The following EPHA3 variants were observed in gnomAD, a reference collection of about 807,000 sequenced individuals.
EPHA3 encodes EPH receptor A3.
Under a neutral mutation model 107.1 loss-of-function variants are expected in EPHA3, and 42 were observed. The observed-to-expected ratio is 0.39, with a 90% confidence interval of 0.31 to 0.51. The LOEUF is 0.51. EPHA3 is among the 20% of genes least tolerant of loss of function. The pLI, the probability that EPHA3 is intolerant of heterozygous loss-of-function variation, is 0.78. For synonymous variants in EPHA3, 461 were observed against 424.8 expected (o/e 1.09, Z -1.05); for missense variants, 1,183 against 1,211.2 (o/e 0.98, Z 0.35).
At chr3:89,413,381 A>G (rs929198135) in intron 10 of EPHA3, 115 bp downstream of exon 10, 2 of 1,336,626 alleles carry the variant, frequency 1.5e-6, no homozygotes, top group Admixed American at 1.8e-5. Context: ...TCATGATCAA[A>G]GGCAAGTAAT....
chr3:89,322,130 G>A (rs578206397), intron 3 of EPHA3, among the ~76,000 whole-genome samples: 1 of 151,480 alleles, frequency 6.6e-6, no homozygotes, highest in Non-Finnish European at 1.5e-5. Context: ...ACAGAGGGGG[G>A]TTGGAGAGAG....
At chr3:89,259,313 C>T (rs950789041) in intron 3 of EPHA3, among the ~76,000 whole-genome samples, 5 of 152,090 alleles carry the variant, frequency 3.3e-5, no homozygotes, top group African/African-American at 7.2e-5. Context: ...CCTCCTATCA[C>T]ATCACAGTCT....
chr3:89,281,118 G>A (rs969118889), intron 3 of EPHA3, among the ~76,000 whole-genome samples: 7 of 152,006 alleles, frequency 4.6e-5, no homozygotes, highest in Admixed American at 1.3e-4. Flanking sequence ...CTGCCTCCCA[G>A]GTTCAAGTAA....
rs759973751 is a variant in EPHA3, at chr3:89,399,450, C to T, written c.1564C>T (p.Arg522Cys). The T allele has an allele frequency of 2.5e-6, 4 of 1,614,028 alleles. No individual in the cohort carries two copies. Among genetic ancestry groups the T allele is most frequent in the South Asian group, 1.1e-5 (1 of 91,068 alleles). ...RTAAGYGTNSRKFEFETSPDS... is the reference protein window; with the variant it reads ...RTAAGYGTNSCKFEFETSPDS... ...AGCCGCTGGATATGGGACGAACAGC[C>T]GCAAGTTTGAGTTTGAAACTAGTCC... Residue 522 changes from arginine (R) to cysteine (C), a missense_variant, in exon 7 of 17, where the codon CGC (arginine) becomes TGC (cysteine). Arg to Cys is a radical substitution (Grantham distance 180). Coordinates refer to ENST00000336596, the MANE Select transcript of EPHA3 (RefSeq NM_005233.6).
intron 2 of EPHA3, among the ~76,000 whole-genome samples, chr3:89,171,840 T>A (rs1318337625): frequency 5.3e-5 from 8 of 152,148 alleles, no homozygotes; most frequent in Admixed American, 1.3e-4. Context: ...ACAACTGCCA[T>A]GTTTAAATGC....
At chr3:89,417,653 C>A (rs1445717189) in intron 10 of EPHA3, among the ~76,000 whole-genome samples, 1 of 151,266 alleles carries the variant, frequency 6.6e-6, no homozygotes, top group Non-Finnish European at 1.5e-5. Flanking sequence ...GATCAATGAA[C>A]TTTCTCAAGT....
intron 3 of EPHA3, among the ~76,000 whole-genome samples, chr3:89,217,263 A>C (rs191696681): frequency 6.6e-6 from 1 of 152,314 alleles, no homozygotes; most frequent in African/African-American, 2.4e-5. Flanking sequence ...GGAAATAATC[A>C]CATAACTAGA....
At chr3:89,440,766 T>C (rs1469650623) in intron 13 of EPHA3, among the ~76,000 whole-genome samples, 1 of 152,200 alleles carries the variant, frequency 6.6e-6, no homozygotes, top group African/African-American at 2.4e-5. Context: ...AGTGCCTTTT[T>C]CCAGAGAATC....
At chr3:89,400,834 A>C (rs1331489244) in intron 7 of EPHA3, among the ~76,000 whole-genome samples, 3 of 152,222 alleles carry the variant, frequency 2.0e-5, no homozygotes, top group South Asian at 2.1e-4. Flanking sequence ...ATATATCACT[A>C]TCAGTTTTCT....
chr3:89,197,563 G>A (rs6551402), intron 2 of EPHA3, among the ~76,000 whole-genome samples: 116,998 of 151,828 alleles, frequency 0.77, 45,417 homozygotes, highest in Middle Eastern at 0.88. Context: ...GTGAAGTCAA[G>A]TGTCTAATAA....
At chr3:89,208,195 C>A (rs1282040327) in intron 2 of EPHA3, among the ~76,000 whole-genome samples, 3 of 151,526 alleles carry the variant, frequency 2.0e-5, no homozygotes, top group Non-Finnish European at 2.9e-5. Flanking sequence ...CATGGAGAAA[C>A]CCCATCTCTA....
At chr3:89,140,677 G>A (rs757089792) in intron 2 of EPHA3, among the ~76,000 whole-genome samples, 42 of 151,794 alleles carry the variant, frequency 2.8e-4, no homozygotes, top group Middle Eastern at 6.8e-3. Context: ...AAGTTTAGGA[G>A]AGGAAAACAT....
intron 3 of EPHA3, among the ~76,000 whole-genome samples, chr3:89,289,256 C>T (rs1706158643): frequency 6.6e-6 from 1 of 152,180 alleles, no homozygotes; most frequent in East Asian, 1.9e-4. Flanking sequence ...TCTCAGCTAG[C>T]AGAGAGAAGC....
In EPHA3 at chr3:89,450,385, T is replaced by C. The variant is rs367957375; in HGVS notation, c.2690+15T>C. On this transcript the variant is annotated intron_variant, in intron 15 of 16. Transcript: ENST00000336596. ...GCAGCCGCAAGGTGACACATTCAAT[T>C]TGTTATCTGGCATTCACTCTGAAAT... The C allele has an allele frequency of 3.1e-6, 5 of 1,600,952 alleles. No individual in the cohort carries two copies. The highest frequency in any genetic ancestry group is 3.4e-6 in the Non-Finnish European group (4 of 1,172,096).
rs1707527825 is a variant in EPHA3, at chr3:89,341,749, T to C, written c.971-6T>C. The C allele has an allele frequency of 1.9e-6, 3 of 1,600,370 alleles. No individual in the cohort carries two copies. In the East Asian group the frequency reaches 6.7e-5, roughly 36 times the overall value. ...GCTCATTAATCTTTGTTGAACTACT[T>C]TGCAGGACCTCCATCTTCACCAAGA... On this transcript the variant is annotated splice_region_variant and splice_polypyrimidine_tract_variant and intron_variant, in intron 4 of 16. Transcript: ENST00000336596.
intron 2 of EPHA3, among the ~76,000 whole-genome samples, chr3:89,130,696 G>A (rs1389093169): frequency 4.7e-5 from 7 of 150,160 alleles, no homozygotes; most frequent in African/African-American, 9.8e-5. Flanking sequence ...GCGCTGTGGC[G>A]CGATCTCGGC....
intron 1 of EPHA3, among the ~76,000 whole-genome samples, chr3:89,116,205 AAAG>A (rs1255822666): frequency 1.3e-5 from 2 of 152,140 alleles, no homozygotes; most frequent in African/African-American, 2.4e-5. Context: ...ATCACCCTGG[AAAG>A]AAGATTTTGT....
At chr3:89,231,695 A>T (rs1190597328) in intron 3 of EPHA3, among the ~76,000 whole-genome samples, 2 of 152,170 alleles carry the variant, frequency 1.3e-5, no homozygotes, top group African/African-American at 4.8e-5. Context: ...GAAGGGAAAA[A>T]ATAATATCCT....
chr3:89,262,405 C>T (rs1705437264), intron 3 of EPHA3, among the ~76,000 whole-genome samples: 1 of 152,184 alleles, frequency 6.6e-6, no homozygotes, highest in South Asian at 2.1e-4. Flanking sequence ...TTTCTAGCTT[C>T]AGACAGTGGC....
Sources: gnomAD v4.1 joint callset for allele counts (sites outside exome capture counted in the v4.1 genomes callset) on GRCh38, gnomAD v4.1.1 for gene constraint, MANE v1.5 for transcripts, NCBI Gene and HGNC (gene_info 2026-07-23, HGNC 2026-07-21) for gene names.